SNX2: variants seen among roughly 807,000 people sequenced by gnomAD.
SNX2 encodes sorting nexin 2, also known as sorting nexin-2.
A neutral mutation model predicts 69.9 loss-of-function variants in SNX2; 25 were observed. That is an observed-to-expected ratio of 0.36 (90% CI 0.26 to 0.50). SNX2 has a LOEUF of 0.50. Among genes scored for constraint, SNX2 ranks in the 20% least tolerant of loss-of-function variants. The pLI, the probability that SNX2 is intolerant of heterozygous loss-of-function variation, is 0.97. For missense variants in SNX2, 551 were observed against 613.3 expected (o/e 0.90, Z 1.07); for synonymous variants, 229 against 200.4 (o/e 1.14, Z -1.20).
chr5:122,784,099 G>A (rs951522989), intron 1 of SNX2, among the ~76,000 whole-genome samples: 1 of 151,760 alleles, frequency 6.6e-6, no homozygotes, highest in Non-Finnish European at 1.5e-5. Flanking sequence ...GATAGCAACT[G>A]TTCTAAACAC....
rs1266175067 is a variant in SNX2 at position 122,833,312 on chromosome 5, A to G, written c.*3664A>G. 6.6e-6 allele frequency: 1 copy of G among 152,182 alleles called. No individual in the cohort carries two copies. Among genetic ancestry groups the G allele is most frequent in the Non-Finnish European group, 1.5e-5 (1 of 68,020 alleles). The allele number at this position is 152,182 out of a possible 1,614,324, so 9.4% of individuals were successfully genotyped here. On this transcript the variant is annotated 3_prime_UTR_variant, in exon 15 of 15. Transcript: ENST00000379516. The stretch of plus-strand genomic sequence containing the variant: ...TGCATTTTTGATGAGGGCCATGAAG[A>G]TAGGTCATGGTAATCTATGGAGAAG...
chr5:122,827,552 C>G, intron 13 of SNX2, 23 bp from the exon 14 acceptor site: 1 of 1,609,770 alleles, frequency 6.2e-7, no homozygotes, highest in South Asian at 1.1e-5. Context: ...TACTAACGGA[C>G]TTTTTAAAAT....
chr5:122,820,551 A>G (rs1754000646), intron 11 of SNX2, among the ~76,000 whole-genome samples: 1 of 151,852 alleles, frequency 6.6e-6, no homozygotes, highest in African/African-American at 2.4e-5. Context: ...AAAAAAGAAT[A>G]CGTATCTGCT....
chr5:122,806,530 A>G (rs1753661559), intron 6 of SNX2, among the ~76,000 whole-genome samples: 1 of 152,194 alleles, frequency 6.6e-6, no homozygotes, highest in African/African-American at 2.4e-5. Flanking sequence ...AGACTATTCC[A>G]TTTAAACTGT....
intron 7 of SNX2, among the ~76,000 whole-genome samples, chr5:122,811,914 C>T (rs945027849): frequency 3.3e-5 from 5 of 152,002 alleles, no homozygotes; most frequent in African/African-American, 7.3e-5. Flanking sequence ...TCCAACTGGC[C>T]TAAACAGTTA....
chr5:122,799,866 A>T lies in SNX2; in HGVS notation c.390+11A>T. The T allele has an allele frequency of 6.3e-7, 1 of 1,597,332 alleles. No homozygotes were observed. Among genetic ancestry groups the T allele is most frequent in the Non-Finnish European group, 8.6e-7 (1 of 1,169,318 alleles). On this transcript the variant is annotated intron_variant, in intron 3 of 14. Transcript: ENST00000379516. ...AGATCCAGGGAAGAGGTACAGGAAAATGTATTCTAAATTAATATGTAAATA... is the reference window on the plus strand; with the variant it reads ...AGATCCAGGGAAGAGGTACAGGAAATTGTATTCTAAATTAATATGTAAATA...
At position 122,827,478 on chromosome 5, in the gene SNX2, C is replaced by G. The variant is rs1355168470; in HGVS notation, c.1437+19C>G. 1 of 1,609,126 alleles carries G rather than the reference C, an allele frequency of 6.2e-7. No individual in the cohort carries two copies. The highest frequency in any genetic ancestry group is 1.3e-5 in the African/African-American group (1 of 74,782). On this transcript the variant is annotated intron_variant, in intron 13 of 14. Transcript: ENST00000379516. The stretch of plus-strand genomic sequence containing the variant: ...ATTTGAGGCATGTATAATAATTTTG[C>G]ATTTATCTTAACAACATGGTCACAT...
At chr5:122,806,142 G>GCGCGCGCGCGCACACACACACACA in intron 6 of SNX2, among the ~76,000 whole-genome samples, 2 of 130,582 alleles carry the variant, frequency 1.5e-5, no homozygotes, top group African/African-American at 5.8e-5. Context: ...ACACGCGCGC[G>GCGCGCGCGCGCACACACACACACA]CACACACACA....
chr5:122,793,869 C>T (rs937398158), intron 1 of SNX2, among the ~76,000 whole-genome samples: 9 of 149,318 alleles, frequency 6.0e-5, no homozygotes, highest in Admixed American at 4.0e-4. Flanking sequence ...GCTGAGATCA[C>T]GCCATTGCAC....
chr5:122,810,666 T>C (rs1237860327), intron 7 of SNX2, among the ~76,000 whole-genome samples: 1 of 152,226 alleles, frequency 6.6e-6, no homozygotes, highest in African/African-American at 2.4e-5. Context: ...TCATGTACTA[T>C]GAAATGTTGA....
rs1466055801 is a variant in SNX2 at position 122,833,469 on chromosome 5, T to G, written c.*3821T>G. The stretch of plus-strand genomic sequence containing the variant: ...GTAGCTCCAAAATATTATTTTAATA[T>G]GTAATCCAATATATTGAAGTTATAA... On this transcript the variant is annotated 3_prime_UTR_variant, in exon 15 of 15. Coordinates refer to ENST00000379516, the MANE Select transcript of SNX2 (RefSeq NM_003100.4). 1.3e-5 allele frequency: 2 copies of G among 152,166 alleles called. No individual in the cohort carries two copies. The highest frequency in any genetic ancestry group is 2.9e-5 in the Non-Finnish European group (2 of 68,020). The allele number at this position is 152,166 out of a possible 1,614,324, so 9.4% of individuals were successfully genotyped here.
chr5:122,824,172 A>G (rs1371140153), intron 11 of SNX2, among the ~76,000 whole-genome samples: 4 of 148,800 alleles, frequency 2.7e-5, no homozygotes, highest in Non-Finnish European at 4.4e-5. Flanking sequence ...ACTGCACTCC[A>G]GCCTGGGCAA....
At chr5:122,792,066 C>A (rs1433804501) in intron 1 of SNX2, among the ~76,000 whole-genome samples, 1 of 152,158 alleles carries the variant, frequency 6.6e-6, no homozygotes, top group Non-Finnish European at 1.5e-5. Context: ...TCTTTAAATT[C>A]CTTCAAGTGA....
intron 1 of SNX2, among the ~76,000 whole-genome samples, chr5:122,787,493 C>T (rs1753114565): frequency 6.6e-6 from 1 of 151,952 alleles, no homozygotes; most frequent in African/African-American, 2.4e-5. Flanking sequence ...GCACACCAGC[C>T]TGGGGGACAG....
rs532081666 is a variant in SNX2 at position 122,792,931 on chromosome 5, C to G, written c.109-2335C>G. On this transcript the variant is annotated intron_variant, in intron 1 of 14. Coordinates refer to ENST00000379516, the MANE Select transcript of SNX2 (RefSeq NM_003100.4). ...CAAATTCAGAACACAATGATACATACTCTACATGCTAGAGTAGCGAAAGTG... is the reference window on the plus strand; with the variant it reads ...CAAATTCAGAACACAATGATACATAGTCTACATGCTAGAGTAGCGAAAGTG... 6.6e-5 allele frequency among the ~76,000 whole-genome samples: 10 copies of G among 152,246 alleles called. No individual in the cohort carries two copies. The South Asian group carries it at 1.7e-3, about 25-fold the overall frequency.
chr5:122,785,403 C>G (rs1753064183), intron 1 of SNX2, among the ~76,000 whole-genome samples: 2 of 151,876 alleles, frequency 1.3e-5, no homozygotes, highest in Non-Finnish European at 2.9e-5. Context: ...TTACCTTGGC[C>G]TCCCAAAATG....
intron 11 of SNX2, among the ~76,000 whole-genome samples, chr5:122,824,812 G>T (rs1026924924): frequency 6.6e-6 from 1 of 152,120 alleles, no homozygotes; most frequent in African/African-American, 2.4e-5. Context: ...ACATTTACAT[G>T]TGTATGTTAT....
At chr5:122,822,114 A>G (rs1754038681) in intron 11 of SNX2, among the ~76,000 whole-genome samples, 1 of 152,082 alleles carries the variant, frequency 6.6e-6, no homozygotes, top group African/African-American at 2.4e-5. Context: ...TTTTTTATTG[A>G]GATGGAGTCT....
chr5:122,807,541 A>G (rs1430465050), intron 6 of SNX2, among the ~76,000 whole-genome samples: 4 of 152,184 alleles, frequency 2.6e-5, no homozygotes, highest in African/African-American at 9.7e-5. Context: ...ACTTAGCATC[A>G]TATGTTCAAG....
Sources: allele counts gnomAD v4.1 joint callset (sites outside exome capture counted in the v4.1 genomes callset), GRCh38; gene constraint gnomAD v4.1.1; transcripts MANE v1.5; gene names NCBI Gene and HGNC (gene_info 2026-07-23, HGNC 2026-07-21).